Variants in PODXL observed in about 807,000 individuals in gnomAD.
PODXL encodes the protein podocalyxin.
PODXL carries 20 observed loss-of-function variants against 48.9 expected under a neutral mutation model. That is an observed-to-expected ratio of 0.41 (90% CI 0.29 to 0.59). The LOEUF is 0.59. Among genes scored for constraint, PODXL ranks in the 20% least tolerant of loss-of-function variants. The probability of loss-of-function intolerance (pLI) is 0.31; values close to 1 mark genes in which losing one functional copy is unlikely to be tolerated. For synonymous variants in PODXL, 295 were observed against 287.4 expected (o/e 1.03, Z -0.27); for missense variants, 606 against 675.1 (o/e 0.90, Z 1.13).
At chr7:131,533,118 C>T (rs538198532) in intron 1 of PODXL, among the ~76,000 whole-genome samples, 69 of 152,294 alleles carry the variant, frequency 4.5e-4, no homozygotes, top group African/African-American at 1.6e-3. Context: ...GGGGCAAGGC[C>T]GGGTCCCCAA....
At chr7:131,526,992 G>T (rs1049963695) in intron 1 of PODXL, among the ~76,000 whole-genome samples, 3 of 152,078 alleles carry the variant, frequency 2.0e-5, no homozygotes, top group African/African-American at 7.2e-5. Context: ...ACCCATCTTG[G>T]CCTCCCAAAG....
chr7:131,516,955 A>G (rs569528347), intron 1 of PODXL, among the ~76,000 whole-genome samples: 12 of 152,218 alleles, frequency 7.9e-5, no homozygotes, highest in Admixed American at 5.9e-4. Flanking sequence ...CCTGTGCTCA[A>G]GTGATCCTTC....
At chr7:131,508,740 G>A (rs1797854820) in intron 5 of PODXL, among the ~76,000 whole-genome samples, 1 of 152,040 alleles carries the variant, frequency 6.6e-6, no homozygotes, top group South Asian at 2.1e-4. Context: ...TCCTGTGGGT[G>A]TGTCCTGACT....
intron 1 of PODXL, among the ~76,000 whole-genome samples, chr7:131,544,743 C>T (rs1798544718): frequency 6.6e-6 from 1 of 152,170 alleles, no homozygotes; most frequent in African/African-American, 2.4e-5. Flanking sequence ...CACCCCTCCT[C>T]ATTGTCCCAC....
At position 131,510,813 on chromosome 7, in the gene PODXL, C is replaced by A; in HGVS notation, c.706+15G>T. The A allele has an allele frequency of 6.2e-7, 1 of 1,613,998 alleles. No homozygotes were observed. The highest frequency in any genetic ancestry group is 8.5e-7 in the Non-Finnish European group (1 of 1,179,960). ...AAAGTTTCTTGGTGCTTGAAGAAAA[C>A]CAGGCATTACTTACGTAGGGTGGTG... On this transcript the variant is annotated intron_variant, in intron 2 of 8. Coordinates refer to ENST00000378555, the MANE Select transcript of PODXL (RefSeq NM_001018111.3).
chr7:131,500,554 T>C lies in PODXL; in HGVS notation c.*3757A>G, dbSNP rs1797681975. On this transcript the variant is annotated 3_prime_UTR_variant, in exon 9 of 9. Transcript: ENST00000378555. ...CAGCTAGTGACCGTGACAAAAGCTATGCTACAGTTTTACTCTTGCCCTCTC... is the reference window on the plus strand; with the variant it reads ...CAGCTAGTGACCGTGACAAAAGCTACGCTACAGTTTTACTCTTGCCCTCTC... 6.6e-6 allele frequency: 1 copy of C among 152,464 alleles called. No individual in the cohort carries two copies. Among genetic ancestry groups the C allele is most frequent in the Admixed American group, 6.5e-5 (1 of 15,290 alleles). 9.4% of individuals were successfully genotyped at this position (152,464 alleles called of 1,614,324 possible).
rs376782363 is a variant in PODXL at position 131,506,576 on chromosome 7, C to T, written c.1249+3G>A. 6.2e-7 allele frequency: 1 copy of T among 1,613,954 alleles called. No individual in the cohort carries two copies. The highest frequency in any genetic ancestry group is 8.5e-7 in the Non-Finnish European group (1 of 1,179,872). On this transcript the variant is annotated splice_donor_region_variant and intron_variant, in intron 6 of 8. Transcript: ENST00000378555. ...AGCCCAGGCCCCCTTGCCCTCCACT[C>T]ACTGTGAATAGTGATTTCTTTGACG...
Position 131,510,967 on chromosome 7 carries a change from G to C in PODXL, c.567C>G (p.Pro189=), listed in dbSNP as rs146891252. The change falls in exon 2 of 9, where the codon CCC becomes CCG. Residue 189 remains proline (P), a synonymous_variant. Transcript: ENST00000378555. ...TTPHPTSPLS[P]RQPTSTHPVA... is the part of the protein sequence containing the mutation. ...CAGGATGCGTCGAAGTGGGTTGTCG[G>C]GGGCTAAGTGGACTTGTAGGGTGAG... is the stretch of plus-strand genomic sequence containing the variant. 3.1e-4 allele frequency: 503 copies of C among 1,614,146 alleles called. 7 individuals are homozygous for C. The East Asian group carries it at 0.011, about 34-fold the overall frequency.
At chr7:131,541,976 G>T (rs909804708) in intron 1 of PODXL, among the ~76,000 whole-genome samples, 5 of 152,182 alleles carry the variant, frequency 3.3e-5, no homozygotes, top group African/African-American at 7.2e-5. Context: ...CATCAGAGAG[G>T]GGGGACAGAG....
Position 131,504,279 on chromosome 7 carries a change from G to C in PODXL, c.*32C>G. ...CTTGGGGTGGTTGGTCTGGAGCTCT[G>C]TGGTGCTGCTGGAGGCCACCGGCAG... On this transcript the variant is annotated 3_prime_UTR_variant, in exon 9 of 9. Coordinates refer to ENST00000378555, the MANE Select transcript of PODXL (RefSeq NM_001018111.3). The C allele has an allele frequency of 1.3e-6, 2 of 1,592,934 alleles. No individual in the cohort carries two copies. The highest frequency in any genetic ancestry group is 1.3e-5 in the African/African-American group (1 of 74,620).
chr7:131,507,130 A>G (rs981725747), intron 5 of PODXL, among the ~76,000 whole-genome samples: 3 of 152,122 alleles, frequency 2.0e-5, no homozygotes, highest in Admixed American at 6.5e-5. Flanking sequence ...GGAGACTCCA[A>G]TTCCCCCTAA....
intron 1 of PODXL, among the ~76,000 whole-genome samples, chr7:131,531,797 C>T (rs1424915183): frequency 1.3e-5 from 2 of 152,168 alleles, no homozygotes; most frequent in African/African-American, 4.8e-5. Context: ...TGTAAAGACC[C>T]TTTGTCCACA....
chr7:131,515,662 C>A (rs998200037), intron 1 of PODXL, among the ~76,000 whole-genome samples: 2 of 152,180 alleles, frequency 1.3e-5, no homozygotes, highest in African/African-American at 4.8e-5. Flanking sequence ...CTTGGCCTCC[C>A]AAAGTGCAGG....
intron 1 of PODXL, among the ~76,000 whole-genome samples, chr7:131,523,518 T>G (rs557521901): frequency 6.6e-6 from 1 of 151,226 alleles, no homozygotes; most frequent in African/African-American, 2.4e-5. Context: ...CTGTCTCTAC[T>G]AAAAATACAA....
chr7:131,501,474 G>GA lies in PODXL; in HGVS notation c.*2836dup, dbSNP rs1158205250. ...TCTGCTAGCTTTCCTTATCAAGCGG[G>GA]AAAAAAATCTGGTGCCTAGACTAGA... On this transcript the variant is annotated 3_prime_UTR_variant, in exon 9 of 9. Transcript: ENST00000378555. 6.6e-6 allele frequency: 1 copy of GA among 152,506 alleles called. No homozygotes were observed. The highest frequency in any genetic ancestry group is 1.5e-5 in the Non-Finnish European group (1 of 68,012). 9.4% of individuals were successfully genotyped at this position (152,506 alleles called of 1,614,324 possible). A position where few individuals can be genotyped will look rare whatever the true frequency, so the allele number is the denominator to read the frequency against.
At chr7:131,532,435 C>CA (rs1314562681) in intron 1 of PODXL, among the ~76,000 whole-genome samples, 16 of 113,466 alleles carry the variant, frequency 1.4e-4, no homozygotes, top group Admixed American at 1.9e-4. Context: ...GACTCCGTCT[C>CA]AAAAAAAAAA....
chr7:131,541,672 CAA>C (rs35142409), intron 1 of PODXL, among the ~76,000 whole-genome samples: 50 of 95,636 alleles, frequency 5.2e-4, no homozygotes, highest in African/African-American at 9.4e-4. Flanking sequence ...GACTCCGTCT[CAA>C]AAAAAAAAAA....
At chr7:131,519,658 G>A (rs532257080) in intron 1 of PODXL, among the ~76,000 whole-genome samples, 10 of 151,818 alleles carry the variant, frequency 6.6e-5, no homozygotes, top group African/African-American at 2.4e-4. Context: ...AATAGTAATA[G>A]TTATTTAAAG....
chr7:131,531,100 C>T (rs760503939), intron 1 of PODXL, among the ~76,000 whole-genome samples: 40 of 152,150 alleles, frequency 2.6e-4, no homozygotes, highest in Non-Finnish European at 4.0e-4. Flanking sequence ...CCTGCCCCAG[C>T]GGTCTGGTCA....
Sources: gnomAD v4.1 joint callset for allele counts (sites outside exome capture counted in the v4.1 genomes callset) on GRCh38, gnomAD v4.1.1 for gene constraint, MANE v1.5 for transcripts, NCBI Gene and HGNC (gene_info 2026-07-23, HGNC 2026-07-21) for gene names.